Variants in LRBA observed in about 807,000 individuals in gnomAD.
The protein encoded by LRBA is lipopolysaccharide-responsive and beige-like anchor protein.
Under a neutral mutation model 330.0 loss-of-function variants are expected in LRBA, and 176 were observed. The ratio of observed to expected loss-of-function variants is 0.53; its 90% CI spans 0.47 to 0.60. The LOEUF (loss-of-function observed/expected upper bound fraction) is 0.60. Among genes scored for constraint, LRBA ranks in the 20% least tolerant of loss-of-function variants. The probability of loss-of-function intolerance (pLI) is 0.00; values close to 1 mark genes in which losing one functional copy is unlikely to be tolerated. For missense variants in LRBA, 3,259 were observed against 3,444.8 expected (o/e 0.95, Z 1.35); for synonymous variants, 1,230 against 1,193.0 (o/e 1.03, Z -0.64).
chr4:150,654,555 T>G (rs1157869440), intron 37 of LRBA, among the ~76,000 whole-genome samples: 1 of 152,202 alleles, frequency 6.6e-6, no homozygotes, highest in South Asian at 2.1e-4. Flanking sequence ...TCATTTTTTT[T>G]ATTATACTTT....
intron 53 of LRBA, among the ~76,000 whole-genome samples, chr4:150,301,547 C>T (rs1195876100): frequency 6.6e-6 from 1 of 151,962 alleles, no homozygotes; most frequent in African/African-American, 2.4e-5. Context: ...TTGAAAAATA[C>T]TTCACACACA....
At chr4:150,474,497 C>A (rs1439458894) in intron 42 of LRBA, among the ~76,000 whole-genome samples, 2 of 152,096 alleles carry the variant, frequency 1.3e-5, no homozygotes, top group African/African-American at 4.8e-5. Flanking sequence ...TACTCTAGGT[C>A]CATTGCATTT....
At chr4:150,371,182 A>ATTTTTTTTTTTTTTTTTTTTTTTTTTT (rs70937395) in intron 47 of LRBA, among the ~76,000 whole-genome samples, 1 of 91,898 alleles carries the variant, frequency 1.1e-5, no homozygotes, top group African/African-American at 4.8e-5. Context: ...AAGCTACTAA[A>ATTTTTTTTTTTTTTTTTTTTTTTTTTT]TTTTTTTTTT....
chr4:150,912,964 G>C (rs1007800546), intron 9 of LRBA, among the ~76,000 whole-genome samples: 2 of 152,032 alleles, frequency 1.3e-5, no homozygotes, highest in African/African-American at 4.8e-5. Context: ...TGACCCAAAG[G>C]CTGTTTTAAG....
chr4:150,436,962 G>T, intron 44 of LRBA, 98 bp from the exon 45 acceptor site: 1 of 1,106,652 alleles, frequency 9.0e-7, no homozygotes, highest in Non-Finnish European at 1.3e-6. Flanking sequence ...GTATAAAAGT[G>T]AATTTTAAAA....
intron 31 of LRBA, 76 bp downstream of exon 31, chr4:150,817,048 G>A: frequency 7.3e-7 from 1 of 1,365,532 alleles, no homozygotes; most frequent in Non-Finnish European, 1.0e-6. Context: ...CAAATTTTAA[G>A]TTAATCAAAA....
chr4:150,799,883 T>C (rs1211749050), intron 33 of LRBA, among the ~76,000 whole-genome samples: 2 of 152,150 alleles, frequency 1.3e-5, no homozygotes, highest in African/African-American at 4.8e-5. Flanking sequence ...TAGCTGGAAT[T>C]ACAGGCGCCC....
At chr4:150,905,802 A>T in intron 13 of LRBA, 36 bp downstream of exon 13, 2 of 1,524,048 alleles carry the variant, frequency 1.3e-6, no homozygotes, top group Non-Finnish European at 1.8e-6. Context: ...AACAGCAAAG[A>T]TAGTAAAACA....
At position 150,921,393 on chromosome 4, in the gene LRBA, G is replaced by A. The variant is rs530868227; in HGVS notation, c.550-100C>T. ...TTGCTGTAATATATACAGGAATAAT[G>A]CTATAAGGTTAAAAGCATAGAAAAT... On this transcript the variant is annotated intron_variant, in intron 4 of 56. Coordinates refer to ENST00000651943, the MANE Select transcript of LRBA (RefSeq NM_001364905.1). The A allele has an allele frequency of 1.2e-4, 85 of 718,304 alleles. No individual in the cohort carries two copies. In the South Asian group the frequency reaches 1.4e-3, roughly 12 times the overall value. 44.5% of individuals were successfully genotyped at this position (718,304 alleles called of 1,614,324 possible).
intron 37 of LRBA, among the ~76,000 whole-genome samples, chr4:150,634,951 T>C (rs1273178451): frequency 6.6e-6 from 1 of 152,172 alleles, no homozygotes; most frequent in Non-Finnish European, 1.5e-5. Context: ...GTAGGACAAT[T>C]GAAGTTGACC....
chr4:150,733,576 TCACACACA>T (rs34846017), intron 36 of LRBA, among the ~76,000 whole-genome samples: 1 of 145,388 alleles, frequency 6.9e-6, no homozygotes, highest in South Asian at 2.2e-4. Flanking sequence ...TCTCTCTCTC[TCACACACA>T]CACACACACA....
At chr4:150,613,024 A>C (rs1429115540) in intron 37 of LRBA, among the ~76,000 whole-genome samples, 1 of 152,206 alleles carries the variant, frequency 6.6e-6, no homozygotes, top group African/African-American at 2.4e-5. Context: ...GAGGTCTGAA[A>C]ATTGGAAGCA....
rs1343252700 is a variant in LRBA at position 150,386,227 on chromosome 4, GA to G, written c.7194+29210del. Among the ~76,000 whole-genome samples, 637 of 148,514 alleles carry G rather than the reference GA, an allele frequency of 4.3e-3. 4 individuals are homozygous for G. The highest frequency in any genetic ancestry group is 0.014 in the African/African-American group (567 of 40,420). On this transcript the variant is annotated intron_variant, in intron 47 of 56. Coordinates refer to ENST00000651943, the MANE Select transcript of LRBA (RefSeq NM_001364905.1). ...AATGATACTCCGAAATGTTTAAAAT[GA>G]AAAAAAAAATTAAATACCTTTTTCT...
chr4:150,288,979 T>C (rs186291909), intron 53 of LRBA, among the ~76,000 whole-genome samples: 29 of 152,300 alleles, frequency 1.9e-4, no homozygotes, highest in Admixed American at 1.8e-3. Flanking sequence ...TCCCAGAGGA[T>C]GATGTCACTT....
chr4:150,711,610 A>C (rs1460651807), intron 36 of LRBA, among the ~76,000 whole-genome samples: 1 of 152,214 alleles, frequency 6.6e-6, no homozygotes, highest in Non-Finnish European at 1.5e-5. Context: ...GGTATGTCAA[A>C]GCAAAGTGCC....
intron 27 of LRBA, 120 bp from the exon 28 acceptor site, chr4:150,844,327 C>A: frequency 1.8e-6 from 1 of 565,968 alleles, no homozygotes; most frequent in South Asian, 4.2e-5. Flanking sequence ...GCATTCCTTT[C>A]CCCACTTTTT....
At chr4:150,835,005 T>C (rs1747804056) in intron 28 of LRBA, among the ~76,000 whole-genome samples, 2 of 152,220 alleles carry the variant, frequency 1.3e-5, no homozygotes. Flanking sequence ...AGGGATCCAG[T>C]TTCAGCTTTC....
intron 2 of LRBA, among the ~76,000 whole-genome samples, chr4:150,958,321 C>A (rs1403777784): frequency 6.7e-6 from 1 of 149,282 alleles, no homozygotes; most frequent in African/African-American, 2.6e-5. Flanking sequence ...GGGCTTTCAC[C>A]CTCTGAAGCA....
rs183127269 is a variant in LRBA at position 150,606,958 on chromosome 4, C to T, written c.5922-7827G>A. ...AATTGATCAAAGAGTAAACCGATGA[C>T]TTTTAAACAGAAACTTAAATGATAA... On this transcript the variant is annotated intron_variant, in intron 37 of 56. Coordinates refer to ENST00000651943, the MANE Select transcript of LRBA (RefSeq NM_001364905.1). 1.9e-4 allele frequency among the ~76,000 whole-genome samples: 29 copies of T among 152,228 alleles called. No homozygotes were observed. The East Asian group carries it at 5.6e-3, about 29-fold the overall frequency.
Sources: gnomAD v4.1 joint callset for allele counts (sites outside exome capture counted in the v4.1 genomes callset) on GRCh38, gnomAD v4.1.1 for gene constraint, MANE v1.5 for transcripts, NCBI Gene and HGNC (gene_info 2026-07-23, HGNC 2026-07-21) for gene names.